Variants in GABRG3 observed in about 807,000 individuals in gnomAD.
GABRG3 encodes the protein gamma-aminobutyric acid receptor subunit gamma-3.
A neutral mutation model predicts 48.8 loss-of-function variants in GABRG3; 25 were observed. The ratio of observed to expected loss-of-function variants is 0.51; its 90% CI spans 0.37 to 0.72. The LOEUF is 0.72. Among genes scored for constraint, GABRG3 ranks in the 30% least tolerant of loss-of-function variants. The probability of loss-of-function intolerance (pLI) is 0.00; values close to 1 mark genes in which losing one functional copy is unlikely to be tolerated. For missense variants in GABRG3, 394 were observed against 577.9 expected (o/e 0.68, Z 3.26); for synonymous variants, 227 against 217.6 (o/e 1.04, Z -0.38).
chr15:27,027,476 T>C (rs753941685), intron 3 of GABRG3, among the ~76,000 whole-genome samples: 20 of 152,212 alleles, frequency 1.3e-4, no homozygotes, highest in Non-Finnish European at 2.8e-4. Flanking sequence ...GCACATTTGC[T>C]CCTGATTTGG....
intron 3 of GABRG3, among the ~76,000 whole-genome samples, chr15:27,135,088 A>T (rs567526300): frequency 6.6e-6 from 1 of 152,316 alleles, no homozygotes; most frequent in African/African-American, 2.4e-5. Flanking sequence ...GAAAACTTTT[A>T]TTCTAACATC....
At chr15:27,185,243 C>T (rs764191150) in intron 3 of GABRG3, among the ~76,000 whole-genome samples, 2 of 152,138 alleles carry the variant, frequency 1.3e-5, no homozygotes, top group Non-Finnish European at 2.9e-5. Context: ...CACTTTCATT[C>T]AGTTCTGTGT....
At chr15:27,410,424 T>A (rs749530309) in intron 5 of GABRG3, among the ~76,000 whole-genome samples, 8 of 152,220 alleles carry the variant, frequency 5.3e-5, no homozygotes, top group Non-Finnish European at 1.0e-4. Flanking sequence ...AACTATTTCA[T>A]CCTTATTTGT....
intron 3 of GABRG3, among the ~76,000 whole-genome samples, chr15:27,177,067 C>A (rs1395853304): frequency 6.6e-6 from 1 of 151,982 alleles, no homozygotes; most frequent in Non-Finnish European, 1.5e-5. Flanking sequence ...AACTCAGAGG[C>A]TAGGGTTTTT....
At chr15:27,379,904 G>A (rs548106342) in intron 5 of GABRG3, among the ~76,000 whole-genome samples, 1 of 151,844 alleles carries the variant, frequency 6.6e-6, no homozygotes, top group African/African-American at 2.4e-5. Flanking sequence ...CTGAGTTCCC[G>A]AATCCGTGAT....
At chr15:27,326,770 T>C in intron 3 of GABRG3, 39 bp from the exon 4 acceptor site, 1 of 1,479,742 alleles carries the variant, frequency 6.8e-7, no homozygotes, top group Non-Finnish European at 9.4e-7. Context: ...GAACATTTAT[T>C]AATAGAACTG....
At chr15:27,183,295 T>C (rs998039956) in intron 3 of GABRG3, among the ~76,000 whole-genome samples, 2 of 152,084 alleles carry the variant, frequency 1.3e-5, no homozygotes, top group Admixed American at 1.3e-4. Flanking sequence ...AAGGAGAAAA[T>C]AAAACAAAAC....
intron 5 of GABRG3, among the ~76,000 whole-genome samples, chr15:27,467,369 T>C (rs1889647215): frequency 6.6e-6 from 1 of 151,810 alleles, no homozygotes; most frequent in Non-Finnish European, 1.5e-5. Context: ...GTTCAGACCA[T>C]AGCATATAGT....
intron 3 of GABRG3, among the ~76,000 whole-genome samples, chr15:27,122,508 A>C (rs1318377340): frequency 6.6e-6 from 1 of 152,250 alleles, no homozygotes; most frequent in Admixed American, 6.5e-5. Context: ...TCTGCCACAG[A>C]TTATTCCATG....
chr15:27,100,784 T>C (rs553398178), intron 3 of GABRG3, among the ~76,000 whole-genome samples: 1 of 152,296 alleles, frequency 6.6e-6, no homozygotes, highest in Admixed American at 6.5e-5. Context: ...TTATTCATGA[T>C]AAAAACTCTC....
At chr15:27,140,484 A>G (rs908559264) in intron 3 of GABRG3, among the ~76,000 whole-genome samples, 12 of 152,160 alleles carry the variant, frequency 7.9e-5, no homozygotes, top group Non-Finnish European at 1.5e-4. Flanking sequence ...TATTTAATTG[A>G]TAGTTTATCA....
chr15:27,403,933 A>C (rs1381839163), intron 5 of GABRG3, among the ~76,000 whole-genome samples: 4 of 142,620 alleles, frequency 2.8e-5, no homozygotes, highest in East Asian at 2.1e-4. Flanking sequence ...AAAAAACAAA[A>C]AAAAAAAACC....
intron 3 of GABRG3, among the ~76,000 whole-genome samples, chr15:27,285,269 G>C (rs2140482358): frequency 8.4e-6 from 1 of 118,626 alleles, no homozygotes; most frequent in South Asian, 2.7e-4. Flanking sequence ...GTGTGTGTGT[G>C]TGTGTGTGTG....
At chr15:27,484,462 G>A (rs1890173386) in intron 6 of GABRG3, among the ~76,000 whole-genome samples, 1 of 152,164 alleles carries the variant, frequency 6.6e-6, no homozygotes, top group Non-Finnish European at 1.5e-5. Context: ...TAATTAAAAA[G>A]AAGCTAAATA....
At chr15:27,018,175 T>TAAA (rs1016912349) in intron 2 of GABRG3, among the ~76,000 whole-genome samples, 50 of 152,232 alleles carry the variant, frequency 3.3e-4, no homozygotes, top group Admixed American at 7.2e-4. Flanking sequence ...CCATCAAATT[T>TAAA]AAGTGACTTT....
chr15:26,979,255 A>C (rs1595452476), intron 2 of GABRG3, among the ~76,000 whole-genome samples: 1 of 152,054 alleles, frequency 6.6e-6, no homozygotes, highest in Non-Finnish European at 1.5e-5. Flanking sequence ...GTTCCTTGGC[A>C]TTTTCTATGT....
intron 3 of GABRG3, among the ~76,000 whole-genome samples, chr15:27,307,199 A>C (rs565614964): frequency 1.2e-4 from 16 of 137,214 alleles, no homozygotes; most frequent in African/African-American, 4.1e-4. Flanking sequence ...TTATATTATA[A>C]TACAAACATG....
At chr15:27,329,305 C>T (rs557116611) in intron 5 of GABRG3, among the ~76,000 whole-genome samples, 2 of 152,048 alleles carry the variant, frequency 1.3e-5, no homozygotes, top group African/African-American at 4.8e-5. Context: ...CTCTCGTCGC[C>T]CAGGCTGGAG....
At chr15:27,251,867 C>T (rs1890466544) in intron 3 of GABRG3, among the ~76,000 whole-genome samples, 1 of 152,176 alleles carries the variant, frequency 6.6e-6, no homozygotes, top group East Asian at 1.9e-4. Context: ...CCTGTCTCTG[C>T]CTCTGCCGCC....
Sources: allele counts gnomAD v4.1 joint callset (sites outside exome capture counted in the v4.1 genomes callset), GRCh38; gene constraint gnomAD v4.1.1; transcripts MANE v1.5; gene names NCBI Gene and HGNC (gene_info 2026-07-23, HGNC 2026-07-21).